The following RFX4 variants were observed in gnomAD, a reference collection of about 807,000 sequenced individuals.
RFX4 encodes the protein regulatory factor X4, also known as transcription factor RFX4.
RFX4 carries 10 observed loss-of-function variants against 95.0 expected under a neutral mutation model. That is an observed-to-expected ratio of 0.11 (90% CI 0.06 to 0.18). The LOEUF is 0.18. RFX4 is among the 10% of genes least tolerant of loss of function. The pLI is 1.00. For missense variants in RFX4, 640 were observed against 922.0 expected (o/e 0.69, Z 3.96); for synonymous variants, 321 against 340.7 (o/e 0.94, Z 0.64).
chr12:106,618,961 A>AT (rs2040126922), intron 2 of RFX4, among the ~76,000 whole-genome samples: 1 of 152,178 alleles, frequency 6.6e-6, no homozygotes, highest in African/African-American at 2.4e-5. Flanking sequence ...TTCACTAATT[A>AT]TTATTAATAC....
At chr12:106,681,962 AT>A in intron 4 of RFX4, 30 bp from the exon 5 acceptor site, 3 of 1,613,258 alleles carry the variant, frequency 1.9e-6, no homozygotes, top group Non-Finnish European at 2.5e-6. Flanking sequence ...ACTCTTCCCA[AT>A]GGGTAACTGA....
chr12:106,603,148 T>C (rs1342335822), intron 1 of RFX4, among the ~76,000 whole-genome samples: 2 of 152,160 alleles, frequency 1.3e-5, no homozygotes, highest in South Asian at 2.1e-4. Flanking sequence ...GTGTGTGCTA[T>C]AAACTTCAAG....
intron 2 of RFX4, among the ~76,000 whole-genome samples, chr12:106,628,673 C>G (rs113410215): frequency 0.015 from 2,348 of 152,288 alleles, 27 homozygotes; most frequent in South Asian, 0.057. Context: ...CTGCAACACT[C>G]TACCCCAGCT....
At chr12:106,613,134 A>C (rs2039995775) in intron 2 of RFX4, among the ~76,000 whole-genome samples, 1 of 151,518 alleles carries the variant, frequency 6.6e-6, no homozygotes, top group Non-Finnish European at 1.5e-5. Flanking sequence ...AATGGTGTTG[A>C]GTATTGTCAT....
chr12:106,718,725 A>G (rs2042339040), intron 11 of RFX4, among the ~76,000 whole-genome samples: 1 of 152,234 alleles, frequency 6.6e-6, no homozygotes, highest in African/African-American at 2.4e-5. Flanking sequence ...TGATCTCTGC[A>G]TACAGAAACA....
intron 13 of RFX4, among the ~76,000 whole-genome samples, chr12:106,725,031 A>G (rs1196864410): frequency 1.3e-5 from 2 of 151,478 alleles, no homozygotes; most frequent in East Asian, 3.9e-4. Context: ...AAAAAAAGCC[A>G]TAGCTGAGGT....
At chr12:106,600,692 A>G (rs1468512160) in intron 1 of RFX4, among the ~76,000 whole-genome samples, 1 of 152,122 alleles carries the variant, frequency 6.6e-6, no homozygotes, top group African/African-American at 2.4e-5. Flanking sequence ...GAGTCCCTAC[A>G]TACTTTGGAT....
At chr12:106,703,375 A>G (rs2042026680) in intron 8 of RFX4, among the ~76,000 whole-genome samples, 2 of 152,222 alleles carry the variant, frequency 1.3e-5, no homozygotes, top group Admixed American at 6.5e-5. Context: ...TTATGGCCAC[A>G]TTTTAGTCTC....
In RFX4 at chr12:106,761,385, C is replaced by T. The variant is rs772451146; in HGVS notation, c.2124C>T (p.Arg708=). Residue 708 remains arginine, a synonymous_variant, in exon 18 of 18, where the codon CGC becomes CGT. Transcript: ENST00000392842. ...SSDMYTPLTT[R]RNSEYEHMQH... ...ACATGTATACACCTCTGACAACGCG[C>T]AGGAATTCTGAATATGAGCACATGC... 6.2e-7 allele frequency: 1 copy of T among 1,614,116 alleles called. No individual in the cohort carries two copies. The highest frequency in any genetic ancestry group is 8.5e-7 in the Non-Finnish European group (1 of 1,180,020).
At chr12:106,639,434 T>A (rs767703780) in intron 3 of RFX4, 42 bp downstream of exon 3, 15 of 1,552,108 alleles carry the variant, frequency 9.7e-6, no homozygotes, top group Non-Finnish European at 1.3e-5. Context: ...CAGAGGATGC[T>A]CATATCTTCT....
intron 4 of RFX4, among the ~76,000 whole-genome samples, chr12:106,667,250 C>T (rs948267532): frequency 1.4e-4 from 21 of 152,060 alleles, no homozygotes; most frequent in African/African-American, 4.6e-4. Flanking sequence ...TTCCCTTCTC[C>T]GCATGGAAGG....
At chr12:106,666,756 GTTCT>G (rs1364834815) in intron 4 of RFX4, among the ~76,000 whole-genome samples, 1 of 151,946 alleles carries the variant, frequency 6.6e-6, no homozygotes, top group African/African-American at 2.4e-5. Context: ...TTTCTTTTTG[GTTCT>G]TTCTTAGGAT....
chr12:106,666,373 G>T (rs117417916), intron 4 of RFX4, among the ~76,000 whole-genome samples: 1 of 151,844 alleles, frequency 6.6e-6, no homozygotes, highest in African/African-American at 2.4e-5. Context: ...GTTTTCCTGT[G>T]GTTTGGCTTT....
chr12:106,611,130 G>A (rs974845083), intron 2 of RFX4, among the ~76,000 whole-genome samples: 3 of 152,096 alleles, frequency 2.0e-5, no homozygotes, highest in South Asian at 4.2e-4. Flanking sequence ...TTGGAGAAAT[G>A]TCTAAGTCCT....
At chr12:106,592,948 G>T (rs1286427259) in intron 1 of RFX4, among the ~76,000 whole-genome samples, 1 of 152,148 alleles carries the variant, frequency 6.6e-6, no homozygotes, top group Non-Finnish European at 1.5e-5. Flanking sequence ...ATGAAATGCA[G>T]CCATTTTGCT....
chr12:106,651,326 G>A (rs2137311870), intron 3 of RFX4, among the ~76,000 whole-genome samples: 1 of 152,228 alleles, frequency 6.6e-6, no homozygotes, highest in Admixed American at 6.5e-5. Flanking sequence ...CACCCTCTGA[G>A]CCTCAGATTC....
chr12:106,657,498 G>A (rs928090943), intron 4 of RFX4, among the ~76,000 whole-genome samples: 5 of 152,134 alleles, frequency 3.3e-5, no homozygotes, highest in Non-Finnish European at 4.4e-5. Flanking sequence ...CAAAAACACC[G>A]GCTTCCAGTA....
intron 2 of RFX4, among the ~76,000 whole-genome samples, chr12:106,627,671 C>T (rs534673635): frequency 6.6e-6 from 1 of 152,282 alleles, no homozygotes; most frequent in South Asian, 2.1e-4. Flanking sequence ...TTTCTTATAA[C>T]TTCATAAAAA....
chr12:106,725,922 T>C (rs967786950), intron 13 of RFX4, among the ~76,000 whole-genome samples: 43 of 151,996 alleles, frequency 2.8e-4, no homozygotes, highest in Admixed American at 2.0e-3. Flanking sequence ...TCTATGAAAA[T>C]AAACATGAAA....
Sources: allele counts gnomAD v4.1 joint callset (sites outside exome capture counted in the v4.1 genomes callset), GRCh38; gene constraint gnomAD v4.1.1; transcripts MANE v1.5; gene names NCBI Gene and HGNC (gene_info 2026-07-23, HGNC 2026-07-21).